Variants in HELZ observed in about 807,000 individuals in gnomAD.
The protein encoded by HELZ is ATP-dependent RNA helicase with zinc finger domain.
In HELZ, 23 loss-of-function variants were observed where a neutral mutation model predicts 218.2. That is an observed-to-expected ratio of 0.11 (90% CI 0.08 to 0.15). HELZ has a LOEUF of 0.15. HELZ is among the 10% of genes least tolerant of loss of function. HELZ has a pLI of 1.00. For synonymous variants in HELZ, 814 were observed against 829.4 expected, an observed-to-expected ratio of 0.98 and a Z score of 0.32; for missense variants, 1,813 against 2,353.7, an observed-to-expected ratio of 0.77 and a Z score of 4.75.
chr17:67,179,464 C>T (rs977291371), intron 12 of HELZ: 1 of 152,442 alleles, frequency 6.6e-6, no homozygotes, highest in Non-Finnish European at 1.5e-5. Context: ...TAAAACACTG[C>T]TAAGTCCTTA....
In HELZ at chr17:67,136,131, T is replaced by C; in HGVS notation, c.3021A>G (p.Thr1007=). The change falls in exon 23 of 33, where the codon ACA becomes ACG. Residue 1007 remains threonine, a synonymous_variant. Transcript: ENST00000358691. Reference sequence around the variant, plus strand: ...GAAGTTGCTCTTTCTTTTTAATTGGTGTCTGTTTATGTTTACAAGTATGTC... The same window carrying C: ...GAAGTTGCTCTTTCTTTTTAATTGGCGTCTGTTTATGTTTACAAGTATGTC... The part of the protein sequence containing the change: ...RTRHTCKHKQ[T]PIKKKEQLLE... 2.5e-6 allele frequency: 4 copies of C among 1,614,050 alleles called. No homozygotes were observed. The South Asian group carries it at 3.3e-5, about 13-fold the overall frequency.
At chr17:67,244,115 T>A in intron 1 of HELZ, 1 of 478,832 alleles carries the variant, frequency 2.1e-6, no homozygotes, top group Non-Finnish European at 2.7e-6. Flanking sequence ...TTCAAAAACA[T>A]AAAGAAATGA....
In HELZ at chr17:67,148,534, G is replaced by A. The variant is rs369015772; in HGVS notation, c.2621+35C>T. 1.8e-4 allele frequency: 280 copies of A among 1,586,196 alleles called. 1 individual carries two copies. The South Asian group carries it at 1.9e-3, about 11-fold the overall frequency. ...AGTTCCCTCCTACTATCAGACCAAC[G>A]AAAGTATGACACGGAGGGGGCAGTT... On this transcript the variant is annotated intron_variant, in intron 20 of 32. Transcript: ENST00000358691.
intron 9 of HELZ, among the ~76,000 whole-genome samples, chr17:67,191,978 C>A (rs1219747916): frequency 6.6e-6 from 1 of 151,502 alleles, no homozygotes; most frequent in South Asian, 2.1e-4. Context: ...CCAAGGCAGG[C>A]GCATCACCTG....
chr17:67,232,756 A>G (rs754132307), intron 3 of HELZ, among the ~76,000 whole-genome samples: 1 of 152,222 alleles, frequency 6.6e-6, no homozygotes, highest in African/African-American at 2.4e-5. Flanking sequence ...AAGTTGGACA[A>G]TGGGTACATG....
At chr17:67,157,296 A>G (rs1163307713) in intron 17 of HELZ, among the ~76,000 whole-genome samples, 30 of 152,154 alleles carry the variant, frequency 2.0e-4, no homozygotes, top group Admixed American at 2.0e-3. Context: ...TTCCTCAAAG[A>G]GGGGGGAAAA....
At chr17:67,145,121 G>A (rs1007136093) in intron 21 of HELZ, among the ~76,000 whole-genome samples, 1 of 152,054 alleles carries the variant, frequency 6.6e-6, no homozygotes, top group Admixed American at 6.6e-5. Context: ...TGCCATCCTC[G>A]GGCTTCCTGA....
rs2036413223 is a variant in HELZ at position 67,086,956 on chromosome 17, G to A, written c.5367C>T (p.Asp1789=). 2 of 1,613,904 alleles carry A rather than the reference G, an allele frequency of 1.2e-6. No homozygotes were observed. Among genetic ancestry groups the A allele is most frequent in the Non-Finnish European group, 1.7e-6 (2 of 1,179,998 alleles). Residue 1789 remains aspartate (D), a synonymous_variant, in exon 32 of 33, where the codon GAC becomes GAT. Coordinates refer to ENST00000358691, the MANE Select transcript of HELZ (RefSeq NM_014877.4). The stretch of plus-strand genomic sequence containing the variant: ...AGTTGAAAGAAGATTGGTTACTGTG[G>A]TCCTGAAGCTCTTTACACTGAGCCA... ...DSLAQCKELQ[D]HSNQSSFNFS... is the part of the protein sequence containing the mutation.
intron 31 of HELZ, among the ~76,000 whole-genome samples, chr17:67,102,932 G>C (rs924467983): frequency 6.6e-6 from 1 of 151,908 alleles, no homozygotes; most frequent in East Asian, 1.9e-4. Flanking sequence ...AGAGCACCAA[G>C]GTACAAAAAG....
At chr17:67,080,838 G>A (rs962217133) in intron 32 of HELZ, among the ~76,000 whole-genome samples, 4 of 152,110 alleles carry the variant, frequency 2.6e-5, no homozygotes, top group Non-Finnish European at 4.4e-5. Context: ...GATTTAAACA[G>A]GTGGGGAAAG....
intron 15 of HELZ, among the ~76,000 whole-genome samples, chr17:67,164,147 T>C (rs1331395530): frequency 6.6e-6 from 1 of 152,136 alleles, no homozygotes; most frequent in African/African-American, 2.4e-5. Context: ...CAAAGAAAAA[T>C]AAGACGCAGT....
In HELZ at chr17:67,075,839, G is replaced by A. The variant is rs1205026588; in HGVS notation, c.*2413C>T. 1 of 152,516 alleles carries A rather than the reference G, an allele frequency of 6.6e-6. No individual in the cohort carries two copies. The highest frequency in any genetic ancestry group is 1.5e-5 in the Non-Finnish European group (1 of 68,018). 9.4% of individuals were successfully genotyped at this position (152,516 alleles called of 1,614,324 possible). On this transcript the variant is annotated 3_prime_UTR_variant, in exon 33 of 33. Transcript: ENST00000358691. ...ACTCATATACTCACAGCAGAGCGGT[G>A]GGCCAATAAGTAGCTATTATTTTTA... is the stretch of plus-strand genomic sequence containing the variant.
intron 4 of HELZ, among the ~76,000 whole-genome samples, chr17:67,217,425 A>C (rs1026917451): frequency 2.6e-5 from 4 of 152,318 alleles, no homozygotes; most frequent in African/African-American, 9.6e-5. Flanking sequence ...AATAGTCTCC[A>C]ATCTAGTCTC....
intron 31 of HELZ, among the ~76,000 whole-genome samples, chr17:67,103,680 G>C (rs1018724431): frequency 1.3e-5 from 2 of 152,172 alleles, no homozygotes; most frequent in Non-Finnish European, 2.9e-5. Context: ...AATTAATCTA[G>C]AGATTTAAAG....
intron 17 of HELZ, among the ~76,000 whole-genome samples, chr17:67,155,885 C>G (rs1185590352): frequency 6.7e-6 from 1 of 150,220 alleles, no homozygotes. Context: ...AACAAATATC[C>G]AAAACCAAAT....
chr17:67,106,308 T>C (rs905515868), intron 31 of HELZ, among the ~76,000 whole-genome samples: 1 of 133,478 alleles, frequency 7.5e-6, no homozygotes, highest in African/African-American at 4.1e-5. Context: ...TTTTACTTTA[T>C]TTATTTATTT....
intron 17 of HELZ, among the ~76,000 whole-genome samples, chr17:67,152,291 C>T (rs1311920497): frequency 6.6e-6 from 1 of 152,092 alleles, no homozygotes; most frequent in Non-Finnish European, 1.5e-5. Context: ...CAAACCAATA[C>T]AAGTTGGCTC....
Position 67,128,653 on chromosome 17 carries a change from T to C in HELZ, c.3385A>G (p.Lys1129Glu). 1 of 1,613,718 alleles carries C rather than the reference T, an allele frequency of 6.2e-7. No homozygotes were observed. Among genetic ancestry groups the C allele is most frequent in the Non-Finnish European group, 8.5e-7 (1 of 1,179,582 alleles). The change falls in exon 24 of 33, where the codon AAG becomes GAG. Residue 1129 changes from lysine to glutamate, a missense_variant and splice_region_variant. Physicochemically the swap from Lys to Glu is moderately conservative, Grantham distance 56. Around this residue, in one of 4 missense-constraint regions of HELZ, gnomAD observed 938 missense variants for 1,027.5 expected, o/e 0.91. Transcript: ENST00000358691. ...STNKQQQSPP[K>E]GKSLHHTQND... is the part of the protein sequence containing the mutation. ...AATTTCATTAACAGAGGCTTTACCT[T>C]GGGTGGTGATTGCTGCTGTTTGTTG...
chr17:67,232,052 CAAAA>C (rs754429326), intron 3 of HELZ, among the ~76,000 whole-genome samples: 2,356 of 42,308 alleles, frequency 0.056, 67 homozygotes, highest in African/African-American at 0.15. Flanking sequence ...GACTCCATCT[CAAAA>C]AAAAAAAAAA....
Sources: allele counts gnomAD v4.1 joint callset (sites outside exome capture counted in the v4.1 genomes callset), GRCh38; gene constraint gnomAD v4.1.1; regional missense constraint gnomAD v4.1.1; transcripts MANE v1.5; gene names NCBI Gene and HGNC (gene_info 2026-07-23, HGNC 2026-07-21).